Variants in OTUD7B observed in about 807,000 individuals in gnomAD.
OTUD7B encodes OTU deubiquitinase 7B.
Under a neutral mutation model 82.2 loss-of-function variants are expected in OTUD7B, and 34 were observed. The ratio of observed to expected loss-of-function variants is 0.41; its 90% CI spans 0.31 to 0.55. The LOEUF is 0.55. Among genes scored for constraint, OTUD7B ranks in the 20% least tolerant of loss-of-function variants. The pLI, the probability that OTUD7B is intolerant of heterozygous loss-of-function variation, is 0.20. For missense variants in OTUD7B, 944 were observed against 1,062.1 expected (o/e 0.89, Z 1.55); for synonymous variants, 398 against 402.7 (o/e 0.99, Z 0.14).
At chr1:149,973,875 T>TG (rs1650103382) in intron 2 of OTUD7B, among the ~76,000 whole-genome samples, 1 of 150,262 alleles carries the variant, frequency 6.7e-6, no homozygotes, top group Non-Finnish European at 1.5e-5. Context: ...TTTTTTTTTT[T>TG]GAGATGGAGT....
chr1:149,943,495 C>T lies in OTUD7B; in HGVS notation c.*362G>A. The T allele has an allele frequency of 9.0e-6, 2 of 223,428 alleles. No homozygotes were observed. Among genetic ancestry groups the T allele is most frequent in the Middle Eastern group, 1.7e-3 (1 of 580 alleles). 13.8% of individuals were successfully genotyped at this position (223,428 alleles called of 1,614,324 possible). A position where few individuals can be genotyped will look rare whatever the true frequency, so the allele number is the denominator to read the frequency against. On this transcript the variant is annotated 3_prime_UTR_variant, in exon 12 of 12. Transcript: ENST00000581312. The stretch of plus-strand genomic sequence containing the variant: ...CTGAGAACCTCCTTTGCCCATTCCT[C>T]CCCAAGACTTCTGCCCACCTCCCAC...
chr1:150,049,633 CT>C, the OTUD7B span, among the ~76,000 whole-genome samples: 885 of 132,260 alleles, frequency 6.7e-3, 51 homozygotes, highest in African/African-American at 0.024. Flanking sequence ...CTCTCTCTTT[CT>C]TTTTTTTTTT....
the OTUD7B span, among the ~76,000 whole-genome samples, chr1:150,034,165 C>T: frequency 6.6e-6 from 1 of 152,176 alleles, no homozygotes; most frequent in Non-Finnish European, 1.5e-5. Flanking sequence ...TAGAATGTCT[C>T]TAAGCAGTTA....
chr1:150,047,065 T>C, the OTUD7B span, among the ~76,000 whole-genome samples: 2 of 151,566 alleles, frequency 1.3e-5, no homozygotes, highest in African/African-American at 4.9e-5. Flanking sequence ...AGCACAGCTC[T>C]GTCTTGGAAA....
At chr1:150,015,324 G>T (rs1470000372), upstream of OTUD7B, among the ~76,000 whole-genome samples, 5 of 128,404 alleles carry the variant, frequency 3.9e-5, no homozygotes, top group Admixed American at 4.5e-4. Context: ...GATGGAGTCT[G>T]GCTCTGTCAC....
chr1:149,945,172 C>A, intron 11 of OTUD7B, 107 bp from the exon 12 acceptor site: 1 of 1,432,686 alleles, frequency 7.0e-7, no homozygotes, highest in Non-Finnish European at 9.2e-7. Flanking sequence ...TCCCTGCAGC[C>A]ATGGCTATAG....
At chr1:149,957,333 G>A (rs186784247) in intron 7 of OTUD7B, among the ~76,000 whole-genome samples, 7,118 of 151,746 alleles carry the variant, frequency 0.047, 241 homozygotes, top group Non-Finnish European at 0.072. Context: ...TATCACCAGT[G>A]GAGGCTGCAG....
At chr1:150,002,421 C>T (rs2101931466) in intron 1 of OTUD7B, among the ~76,000 whole-genome samples, 3 of 152,330 alleles carry the variant, frequency 2.0e-5, no homozygotes, top group African/African-American at 7.2e-5. Context: ...TCATTCAGCC[C>T]AGTCCAGGGC....
intron 7 of OTUD7B, among the ~76,000 whole-genome samples, chr1:149,950,523 C>T (rs1648110952): frequency 6.6e-6 from 1 of 152,128 alleles, no homozygotes; most frequent in South Asian, 2.1e-4. Flanking sequence ...TAGCCTCTCT[C>T]CATTCTCTTC....
At chr1:149,986,291 T>C (rs587726030) in intron 1 of OTUD7B, among the ~76,000 whole-genome samples, 4 of 151,748 alleles carry the variant, frequency 2.6e-5, no homozygotes, top group South Asian at 4.1e-4. Flanking sequence ...TGATAGTCTA[T>C]CAGTGTTGTA....
chr1:149,953,210 G>A (rs1177720396), intron 7 of OTUD7B, among the ~76,000 whole-genome samples: 7 of 152,156 alleles, frequency 4.6e-5, no homozygotes, highest in African/African-American at 1.7e-4. Flanking sequence ...AATCCATCTT[G>A]AGTTAACTTT....
At chr1:150,044,247 GC>G in the OTUD7B span, among the ~76,000 whole-genome samples, 1 of 151,452 alleles carries the variant, frequency 6.6e-6, no homozygotes, top group African/African-American at 2.4e-5. Context: ...TTGCTCCATA[GC>G]CCAGGCTGGA....
the OTUD7B span, among the ~76,000 whole-genome samples, chr1:150,044,972 C>T: frequency 1.3e-5 from 2 of 151,842 alleles, no homozygotes; most frequent in Non-Finnish European, 2.9e-5. Flanking sequence ...TTGTTATAGC[C>T]AACGTCCCTA....
intron 7 of OTUD7B, among the ~76,000 whole-genome samples, chr1:149,953,151 G>T (rs375697807): frequency 6.6e-6 from 1 of 152,110 alleles, no homozygotes; most frequent in African/African-American, 2.4e-5. Flanking sequence ...GTATTGCCTA[G>T]GTTTTCTTCT....
At chr1:149,946,355 T>G (rs1468319469) in intron 11 of OTUD7B, among the ~76,000 whole-genome samples, 1 of 151,998 alleles carries the variant, frequency 6.6e-6, no homozygotes, top group African/African-American at 2.4e-5. Context: ...AAGAGCAAGA[T>G]TCCGTCTCAA....
At chr1:150,002,737 T>G (rs767272430) in intron 1 of OTUD7B, among the ~76,000 whole-genome samples, 51 of 152,134 alleles carry the variant, frequency 3.4e-4, no homozygotes, top group Non-Finnish European at 7.1e-4. Flanking sequence ...GGTATTCTAT[T>G]TGAAAATGAA....
the OTUD7B span, among the ~76,000 whole-genome samples, chr1:150,032,693 A>AAGG: frequency 2.9e-3 from 433 of 150,970 alleles, 3 homozygotes; most frequent in African/African-American, 9.4e-3. Flanking sequence ...GAAGAAGAAG[A>AAGG]AGGAGGAGGA....
At position 149,950,064 on chromosome 1, in the gene OTUD7B, C is replaced by G. The variant is rs73008167; in HGVS notation, c.973+30G>C. Reference sequence around the variant, plus strand: ...AGGCTTTGCAAAAGGGGGTGCTCAGCATGGAGTGAGGACTGACTGGCTGAC... The same window carrying G: ...AGGCTTTGCAAAAGGGGGTGCTCAGGATGGAGTGAGGACTGACTGGCTGAC... On this transcript the variant is annotated intron_variant, in intron 8 of 11. Transcript: ENST00000581312. 5,915 of 1,612,436 alleles carry G rather than the reference C, an allele frequency of 3.7e-3. 132 individuals carry two copies. The African/African-American group carries it at 0.059, about 16-fold the overall frequency.
intron 1 of OTUD7B, among the ~76,000 whole-genome samples, chr1:149,999,644 G>T (rs960838873): frequency 2.0e-5 from 3 of 152,144 alleles, no homozygotes; most frequent in African/African-American, 7.2e-5. Flanking sequence ...TAGGAGGATG[G>T]CTTGAGCCCA....
Sources: gnomAD v4.1 joint callset for allele counts (sites outside exome capture counted in the v4.1 genomes callset) on GRCh38, gnomAD v4.1.1 for gene constraint, MANE v1.5 for transcripts, NCBI Gene and HGNC (gene_info 2026-07-23, HGNC 2026-07-21) for gene names.